Variants in CARMIL1 observed in about 807,000 individuals in gnomAD.
CARMIL1 encodes F-actin-uncapping protein LRRC16A.
A neutral mutation model predicts 177.1 loss-of-function variants in CARMIL1; 90 were observed. The observed-to-expected ratio is 0.51, with a 90% CI of 0.43 to 0.61. The LOEUF is 0.61. Ranked by LOEUF, CARMIL1 falls within the 20% of genes least tolerant of loss-of-function variation. The probability of loss-of-function intolerance (pLI) is 0.00; values close to 1 mark genes in which losing one functional copy is unlikely to be tolerated. For synonymous variants in CARMIL1, 577 were observed against 606.2 expected (o/e 0.95, Z 0.71); for missense variants, 1,380 against 1,667.0 (o/e 0.83, Z 3.00).
Position 25,515,572 on chromosome 6 carries a change from C to A in CARMIL1, c.1633-103C>A. 9.5e-7 allele frequency: 1 copy of A among 1,057,930 alleles called. No individual in the cohort carries two copies. The highest frequency in any genetic ancestry group is 1.3e-6 in the Non-Finnish European group (1 of 752,240). 65.5% of individuals were successfully genotyped at this position (1,057,930 alleles called of 1,614,324 possible). ...TAGGTAGTAGTTCTAAAATCAGACA[C>A]GTGCAGTAGGTCCATCCCCTCTCAT... On this transcript the variant is annotated intron_variant, in intron 20 of 36. Coordinates refer to ENST00000329474, the MANE Select transcript of CARMIL1 (RefSeq NM_017640.6). The surrounding 1 kb of genome is among the most constrained non-coding windows in gnomAD (Gnocchi z 5.0).
intron 2 of CARMIL1, among the ~76,000 whole-genome samples, chr6:25,321,650 T>C (rs1030700878): frequency 6.7e-6 from 1 of 149,488 alleles, no homozygotes; most frequent in Non-Finnish European, 1.5e-5. Flanking sequence ...ATTTCACTTA[T>C]TTATTAATTT....
At chr6:25,614,645 T>A (rs578235319) in intron 36 of CARMIL1, among the ~76,000 whole-genome samples, 3 of 152,350 alleles carry the variant, frequency 2.0e-5, no homozygotes, top group Admixed American at 6.5e-5. Flanking sequence ...ATTTGAACTA[T>A]TGTTTTCATT....
chr6:25,512,753 T>C (rs1422473185), intron 20 of CARMIL1, among the ~76,000 whole-genome samples: 1 of 152,152 alleles, frequency 6.6e-6, no homozygotes, highest in Non-Finnish European at 1.5e-5. Flanking sequence ...AGACAGTGGT[T>C]TTCAGTCTGC....
At chr6:25,537,483 G>T (rs1808419017) in intron 24 of CARMIL1, among the ~76,000 whole-genome samples, 2 of 152,138 alleles carry the variant, frequency 1.3e-5, no homozygotes, top group Non-Finnish European at 2.9e-5. Context: ...CTAACACATA[G>T]AGGGTGCTCA....
intron 31 of CARMIL1, 142 bp downstream of exon 31, chr6:25,581,581 A>T (rs1813127299): frequency 1.4e-6 from 1 of 699,380 alleles, no homozygotes; most frequent in Non-Finnish European, 2.3e-6. Context: ...GAGATATACA[A>T]AGTATCTCAA....
At chr6:25,615,285 CTATTGTTCTCAAA>C (rs1816809684) in intron 36 of CARMIL1, among the ~76,000 whole-genome samples, 1 of 152,132 alleles carries the variant, frequency 6.6e-6, no homozygotes, top group Admixed American at 6.5e-5. Flanking sequence ...CAAACAGAGG[CTATTGTTCTCAAA>C]TATTGTTCTC....
At chr6:25,538,851 A>G (rs1808591968) in intron 25 of CARMIL1, among the ~76,000 whole-genome samples, 2 of 152,110 alleles carry the variant, frequency 1.3e-5, no homozygotes. Flanking sequence ...CGCCATGGAA[A>G]TGGAGAGGGG....
At chr6:25,294,823 A>G (rs769113821) in intron 2 of CARMIL1, among the ~76,000 whole-genome samples, 1 of 152,078 alleles carries the variant, frequency 6.6e-6, no homozygotes, top group South Asian at 2.1e-4. Context: ...CTTTTAAACA[A>G]CTGTTGGTGT....
At chr6:25,425,722 GA>G (rs1302146428) in intron 3 of CARMIL1, among the ~76,000 whole-genome samples, 6 of 152,240 alleles carry the variant, frequency 3.9e-5, no homozygotes, top group African/African-American at 1.4e-4. Context: ...CAGGAGAAGA[GA>G]GGGGCACTTG....
At chr6:25,576,396 C>T (rs1188892996) in intron 29 of CARMIL1, among the ~76,000 whole-genome samples, 1 of 152,118 alleles carries the variant, frequency 6.6e-6, no homozygotes, top group Admixed American at 6.5e-5. Flanking sequence ...GTCATCAGAT[C>T]TTTTCCTGAA....
chr6:25,509,083 T>C lies in CARMIL1; in HGVS notation c.1396-573T>C, dbSNP rs1805216898. ...TATTAATTTAACATTTTTCCATCCATGGCTCGAAGCATTTGTACAAATCAT... is the reference window on the plus strand; with the variant it reads ...TATTAATTTAACATTTTTCCATCCACGGCTCGAAGCATTTGTACAAATCAT... On this transcript the variant is annotated intron_variant, in intron 17 of 36. Coordinates refer to ENST00000329474, the MANE Select transcript of CARMIL1 (RefSeq NM_017640.6). The surrounding 1 kb of genome is among the most constrained non-coding windows in gnomAD (Gnocchi z 4.1). 6.6e-6 allele frequency among the ~76,000 whole-genome samples: 1 copy of C among 152,090 alleles called. No homozygotes were observed. Among genetic ancestry groups the C allele is most frequent in the Non-Finnish European group, 1.5e-5 (1 of 68,014 alleles).
chr6:25,429,866 A>G lies in CARMIL1; in HGVS notation c.249+3306A>G, dbSNP rs962993800. On this transcript the variant is annotated intron_variant, in intron 4 of 36. Coordinates refer to ENST00000329474, the MANE Select transcript of CARMIL1 (RefSeq NM_017640.6). ...AATTATTATTATATATATATTTTTG[A>G]GACGGAGTCTCACTCTGTCACCAGG... Among the ~76,000 whole-genome samples, 4 of 145,496 alleles carry G rather than the reference A, an allele frequency of 2.7e-5. No homozygotes were observed. The East Asian group carries it at 7.8e-4, about 28-fold the overall frequency.
chr6:25,546,889 A>G (rs1459342342), intron 26 of CARMIL1, among the ~76,000 whole-genome samples: 2 of 151,438 alleles, frequency 1.3e-5, no homozygotes, highest in African/African-American at 4.8e-5. Flanking sequence ...ATCTCTACTA[A>G]AAAAAATACA....
At chr6:25,375,588 A>C (rs542868729) in intron 2 of CARMIL1, among the ~76,000 whole-genome samples, 1 of 152,120 alleles carries the variant, frequency 6.6e-6, no homozygotes, top group African/African-American at 2.4e-5. Flanking sequence ...AGTTTCCCAA[A>C]TTTTTTGCTT....
At chr6:25,547,662 G>C (rs529495289) in intron 26 of CARMIL1, among the ~76,000 whole-genome samples, 1 of 152,194 alleles carries the variant, frequency 6.6e-6, no homozygotes, top group Non-Finnish European at 1.5e-5. Context: ...TTGCCACCAG[G>C]TTATAACTTT....
At chr6:25,601,333 G>A (rs1815381783) in intron 33 of CARMIL1, among the ~76,000 whole-genome samples, 1 of 152,150 alleles carries the variant, frequency 6.6e-6, no homozygotes, top group Admixed American at 6.5e-5. Flanking sequence ...TTCCCCACCT[G>A]CCCAGGGGCC....
intron 10 of CARMIL1, among the ~76,000 whole-genome samples, chr6:25,472,055 G>T (rs1005165305): frequency 6.6e-6 from 1 of 151,856 alleles, no homozygotes; most frequent in Non-Finnish European, 1.5e-5. Context: ...ATTCACAATT[G>T]CATGGAATGA....
Position 25,509,833 on chromosome 6 carries a change from T to C in CARMIL1, c.1477+96T>C. 2 of 810,816 alleles carry C rather than the reference T, an allele frequency of 2.5e-6. No homozygotes were observed. The highest frequency in any genetic ancestry group is 3.9e-6 in the Non-Finnish European group (2 of 512,186). 50.2% of individuals were successfully genotyped at this position (810,816 alleles called of 1,614,324 possible). A position where few individuals can be genotyped will look rare whatever the true frequency, so the allele number is the denominator to read the frequency against. Reference sequence around the variant, plus strand: ...TTCTACCCAAATCCAAACAATAGCTTAATAAAAAAATTGTTTTTTATTTTT... The same window carrying C: ...TTCTACCCAAATCCAAACAATAGCTCAATAAAAAAATTGTTTTTTATTTTT... On this transcript the variant is annotated intron_variant, in intron 18 of 36. Coordinates refer to ENST00000329474, the MANE Select transcript of CARMIL1 (RefSeq NM_017640.6). The surrounding 1 kb of genome is among the most constrained non-coding windows in gnomAD (Gnocchi z 4.1).
At chr6:25,296,919 ATCTAT>A (rs1782416220) in intron 2 of CARMIL1, among the ~76,000 whole-genome samples, 1 of 35,864 alleles carries the variant, frequency 2.8e-5, no homozygotes, top group African/African-American at 1.6e-4. Flanking sequence ...CTATCTATCT[ATCTAT>A]CTATCTATCT....
Sources: allele counts gnomAD v4.1 joint callset (sites outside exome capture counted in the v4.1 genomes callset), GRCh38; gene constraint gnomAD v4.1.1; non-coding constraint Gnocchi (gnomAD v3.1); transcripts MANE v1.5; gene names NCBI Gene and HGNC (gene_info 2026-07-23, HGNC 2026-07-21).